The following SIPA1L3 variants were observed in gnomAD, a reference collection of about 807,000 sequenced individuals.
The protein encoded by SIPA1L3 is signal-induced proliferation-associated 1-like protein 3.
Under a neutral mutation model 150.1 loss-of-function variants are expected in SIPA1L3, and 59 were observed. The ratio of observed to expected loss-of-function variants is 0.39; its 90% CI spans 0.32 to 0.49. The LOEUF (loss-of-function observed/expected upper bound fraction) is 0.49. SIPA1L3 is among the 20% of genes least tolerant of loss of function. SIPA1L3 has a pLI of 0.86. For missense variants in SIPA1L3, 2,211 were observed against 2,489.5 expected, an observed-to-expected ratio of 0.89 and a Z score of 2.38; for synonymous variants, 1,070 against 1,077.6, an observed-to-expected ratio of 0.99 and a Z score of 0.14.
rs538907010 is a variant in SIPA1L3 at position 37,914,262 on chromosome 19, G to A, written c.-379+6904G>A. Reference sequence around the variant, plus strand: ...GAAAGTTGAAGAAAGAACATTCCAGGTAGAGGGAACAGCAAGTGTTAAGGC... The same window carrying A: ...GAAAGTTGAAGAAAGAACATTCCAGATAGAGGGAACAGCAAGTGTTAAGGC... On this transcript the variant is annotated intron_variant, in intron 1 of 21. Transcript: ENST00000222345. Among the ~76,000 whole-genome samples, 10 of 152,254 alleles carry A rather than the reference G, an allele frequency of 6.6e-5. No individual in the cohort carries two copies. The South Asian group carries it at 1.2e-3, about 19-fold the overall frequency.
rs140874704 is a variant in SIPA1L3, at chr19:38,206,669, C to T, written c.*429C>T. ...ACAACAAAGTTGCGGCTTGTGGGGC[C>T]GAGGCCCCTGCATGAAAAGTACAGC... On this transcript the variant is annotated 3_prime_UTR_variant, in exon 22 of 22. Transcript: ENST00000222345. 42 of 157,824 alleles carry T rather than the reference C, an allele frequency of 2.7e-4. No individual in the cohort carries two copies. The highest frequency in any genetic ancestry group is 4.2e-4 in the Non-Finnish European group (30 of 71,892). The allele number at this position is 157,824 out of a possible 1,614,324, so 9.8% of individuals were successfully genotyped here.
intron 1 of SIPA1L3, among the ~76,000 whole-genome samples, chr19:37,943,596 G>A (rs1220714686): frequency 6.6e-6 from 1 of 152,168 alleles, no homozygotes; most frequent in South Asian, 2.1e-4. Flanking sequence ...GCCCAGATAA[G>A]GTGTGCATCT....
chr19:38,187,007 CAAAA>C (rs1046528016), intron 16 of SIPA1L3, among the ~76,000 whole-genome samples: 1 of 80,292 alleles, frequency 1.2e-5, no homozygotes. Context: ...AACTCTGTCT[CAAAA>C]AAAAAAAAAA....
intron 2 of SIPA1L3, among the ~76,000 whole-genome samples, chr19:38,076,612 GC>G (rs1195102335): frequency 1.3e-5 from 2 of 152,212 alleles, no homozygotes; most frequent in African/African-American, 4.8e-5. Context: ...AATACTGTAA[GC>G]CCTGAATAAC....
At chr19:37,997,884 A>G (rs976110258) in intron 1 of SIPA1L3, among the ~76,000 whole-genome samples, 7 of 151,720 alleles carry the variant, frequency 4.6e-5, no homozygotes, top group Admixed American at 4.6e-4. Flanking sequence ...AAAAAAAAGA[A>G]AAGAAAAAGA....
intron 2 of SIPA1L3, among the ~76,000 whole-genome samples, chr19:38,036,549 G>C (rs1968795431): frequency 6.6e-6 from 1 of 152,206 alleles, no homozygotes; most frequent in Non-Finnish European, 1.5e-5. Context: ...CCCCGCTTCT[G>C]TTCTTTCACT....
chr19:37,907,697 A>C (rs920402568), intron 1 of SIPA1L3: 2 of 152,136 alleles, frequency 1.3e-5, no homozygotes, highest in African/African-American at 4.8e-5. Flanking sequence ...CTTGGCGGAG[A>C]CTCTGTTGAG....
intron 2 of SIPA1L3, among the ~76,000 whole-genome samples, chr19:38,050,124 A>G (rs2145758066): frequency 6.6e-6 from 1 of 152,302 alleles, no homozygotes; most frequent in South Asian, 2.1e-4. Flanking sequence ...ATTGTAAGGT[A>G]TTTTGAGGAT....
At position 38,192,183 on chromosome 19, in the gene SIPA1L3, C is replaced by T. The variant is rs763625718; in HGVS notation, c.4469C>T (p.Pro1490Leu). 60 of 1,612,072 alleles carry T rather than the reference C, an allele frequency of 3.7e-5. No individual in the cohort carries two copies. In the East Asian group the frequency reaches 8.7e-4, roughly 23 times the overall value. ...AACACCAAAAATGTCTTTGGGCAAC[C>T]GAGGTTGAGGGCATCCCTCCGAGAC... ...DTNTKNVFGQ[P>L]RLRASLRDLR... is the part of the protein sequence containing the mutation. The change falls in exon 17 of 22, where the codon CCG becomes CTG. Residue 1490 changes from proline (P) to leucine (L), a missense_variant. This residue lies in a region of SIPA1L3 where 806 missense variants were observed against 870.1 expected (regional missense o/e 0.93). Transcript: ENST00000222345.
intron 9 of SIPA1L3, among the ~76,000 whole-genome samples, chr19:38,125,047 G>GT (rs979508927): frequency 1.3e-5 from 2 of 149,000 alleles, no homozygotes; most frequent in African/African-American, 4.9e-5. Context: ...GAGCTGTTTT[G>GT]TTTTTTGAGA....
At chr19:37,968,205 G>A (rs2046922882) in intron 1 of SIPA1L3, among the ~76,000 whole-genome samples, 3 of 151,918 alleles carry the variant, frequency 2.0e-5, no homozygotes, top group African/African-American at 7.3e-5. Context: ...CCCGAGTAGC[G>A]GGGATTACAG....
chr19:38,197,353 G>A (rs992684640), intron 18 of SIPA1L3, among the ~76,000 whole-genome samples: 1 of 152,114 alleles, frequency 6.6e-6, no homozygotes, highest in African/African-American at 2.4e-5. Context: ...GCCCGAGCCT[G>A]GTGCCTGGGA....
intron 16 of SIPA1L3, among the ~76,000 whole-genome samples, chr19:38,183,892 C>A (rs574320633): frequency 2.6e-5 from 4 of 151,956 alleles, no homozygotes; most frequent in African/African-American, 9.6e-5. Context: ...GACTGAGAAC[C>A]GACTATATAG....
intron 1 of SIPA1L3, among the ~76,000 whole-genome samples, chr19:37,922,335 A>G (rs996523156): frequency 6.6e-6 from 1 of 151,958 alleles, no homozygotes; most frequent in East Asian, 1.9e-4. Context: ...TGATCCACCC[A>G]CCTCAGCCTT....
At chr19:37,936,048 C>G (rs1205968210) in intron 1 of SIPA1L3, among the ~76,000 whole-genome samples, 4 of 152,172 alleles carry the variant, frequency 2.6e-5, no homozygotes, top group African/African-American at 9.7e-5. Context: ...AAAATGGTTG[C>G]TCTACCTCCA....
At chr19:38,090,487 C>T (rs961502126) in intron 4 of SIPA1L3, among the ~76,000 whole-genome samples, 2 of 152,276 alleles carry the variant, frequency 1.3e-5, no homozygotes, top group Admixed American at 6.5e-5. Flanking sequence ...GGTCCAGGGG[C>T]AGGGCCAGGC....
Position 38,106,599 on chromosome 19 carries a change from G to A in SIPA1L3, c.2092G>A (p.Val698Ile). The A allele has an allele frequency of 6.2e-7, 1 of 1,614,078 alleles. No individual in the cohort carries two copies. The highest frequency in any genetic ancestry group is 8.5e-7 in the Non-Finnish European group (1 of 1,179,946). Residue 698 changes from valine to isoleucine, a missense_variant, in exon 7 of 22, where the codon GTC becomes ATC. By Grantham distance (29) the Val-to-Ile change is conservative. Around this residue, in one of 5 missense-constraint regions of SIPA1L3, gnomAD observed 625 missense variants for 804.2 expected, o/e 0.78. Coordinates refer to ENST00000222345, the MANE Select transcript of SIPA1L3 (RefSeq NM_015073.3). ...MYQDYEIMFHVSTLLPYTPNN... is the reference protein window; with the variant it reads ...MYQDYEIMFHISTLLPYTPNN... ...CCAGGACTACGAGATCATGTTCCAT[G>A]TCTCCACCCTGCTCCCTTACACCCC...
intron 2 of SIPA1L3, among the ~76,000 whole-genome samples, chr19:38,042,167 GT>G: frequency 6.6e-6 from 1 of 152,242 alleles, no homozygotes; most frequent in Non-Finnish European, 1.5e-5. Flanking sequence ...TTTTCTGGGA[GT>G]TTTATGGTTT....
At chr19:37,972,696 C>T (rs1453746594) in intron 1 of SIPA1L3, among the ~76,000 whole-genome samples, 2 of 152,032 alleles carry the variant, frequency 1.3e-5, no homozygotes, top group South Asian at 2.1e-4. Flanking sequence ...ATGGGGAGAC[C>T]CTGCCTCAAC....
Sources: allele counts gnomAD v4.1 joint callset (sites outside exome capture counted in the v4.1 genomes callset), GRCh38; gene constraint gnomAD v4.1.1; regional missense constraint gnomAD v4.1.1; transcripts MANE v1.5; gene names NCBI Gene and HGNC (gene_info 2026-07-23, HGNC 2026-07-21).